Variants in DDHD1 observed in about 807,000 individuals in gnomAD.
The protein encoded by DDHD1 is DDHD domain containing 1, also known as phospholipase DDHD1.
Under a neutral mutation model 96.4 loss-of-function variants are expected in DDHD1, and 49 were observed. That is an observed-to-expected ratio of 0.51 (90% CI 0.40 to 0.64). The LOEUF is 0.64. Ranked by LOEUF, DDHD1 falls within the 30% of genes least tolerant of loss-of-function variation. The pLI, the probability that DDHD1 is intolerant of heterozygous loss-of-function variation, is 0.00. For synonymous variants in DDHD1, 442 were observed against 446.5 expected (o/e 0.99, Z 0.13); for missense variants, 1,106 against 1,161.2 (o/e 0.95, Z 0.69).
intron 1 of DDHD1, among the ~76,000 whole-genome samples, chr14:53,129,058 C>T (rs1249961999): frequency 6.6e-6 from 1 of 152,230 alleles, no homozygotes; most frequent in African/African-American, 2.4e-5. Flanking sequence ...GATAATCCCA[C>T]CACAATTTGC....
At chr14:53,134,837 T>G (rs1260196522) in intron 1 of DDHD1, among the ~76,000 whole-genome samples, 4 of 151,898 alleles carry the variant, frequency 2.6e-5, no homozygotes, top group Non-Finnish European at 5.9e-5. Flanking sequence ...CCTTGTATCT[T>G]CCATTTAGTT....
intron 4 of DDHD1, among the ~76,000 whole-genome samples, chr14:53,079,005 C>A (rs1409443507): frequency 1.3e-5 from 2 of 150,996 alleles, no homozygotes; most frequent in South Asian, 4.2e-4. Flanking sequence ...TGGTGGATTA[C>A]CTTGATTAAA....
chr14:53,066,738 G>A (rs1336692455), intron 6 of DDHD1, among the ~76,000 whole-genome samples: 2 of 152,074 alleles, frequency 1.3e-5, no homozygotes, highest in Non-Finnish European at 2.9e-5. Context: ...AGGCCGAGGT[G>A]GGAGGATCAC....
intron 2 of DDHD1, among the ~76,000 whole-genome samples, chr14:53,098,285 A>G (rs939742619): frequency 1.3e-5 from 2 of 152,258 alleles, no homozygotes; most frequent in East Asian, 3.9e-4. Flanking sequence ...AAAGTCTTAC[A>G]TAGCAATGAA....
intron 5 of DDHD1, among the ~76,000 whole-genome samples, chr14:53,073,421 T>C (rs1233897746): frequency 1.3e-5 from 2 of 151,934 alleles, no homozygotes; most frequent in African/African-American, 4.8e-5. Context: ...TACTGACAAA[T>C]CAACTTCGTG....
intron 1 of DDHD1, among the ~76,000 whole-genome samples, chr14:53,150,746 G>A (rs895033061): frequency 6.6e-6 from 1 of 152,174 alleles, no homozygotes; most frequent in African/African-American, 2.4e-5. Flanking sequence ...CACCGAGTGG[G>A]AAGCTCTGAA....
Position 53,153,087 on chromosome 14 carries a change from C to A in DDHD1, c.12G>T (p.Pro4=). The A allele has an allele frequency of 7.0e-7, 1 of 1,435,662 alleles. No homozygotes were observed. Among genetic ancestry groups the A allele is most frequent in the Non-Finnish European group, 9.0e-7 (1 of 1,107,720 alleles). The allele number at this position is 1,435,662 out of a possible 1,614,324, so 88.9% of individuals were successfully genotyped here. Residue 4 remains proline (P), a synonymous_variant, in exon 1 of 13, where the codon CCG becomes CCT. Coordinates refer to ENST00000673822, the MANE Select transcript of DDHD1 (RefSeq NM_001160148.2). MNY[P]GRGSPRSPEH... Reference sequence around the variant, plus strand: ...CGGGGCTCCGTGGGGACCCGCGGCCCGGGTAATTCATGCTGTGGAGACGCC... The same window carrying A: ...CGGGGCTCCGTGGGGACCCGCGGCCAGGGTAATTCATGCTGTGGAGACGCC...
intron 6 of DDHD1, among the ~76,000 whole-genome samples, chr14:53,071,477 C>G (rs1884504551): frequency 6.6e-6 from 1 of 152,068 alleles, no homozygotes. Context: ...CAGACTCCCC[C>G]TTGTACAAGA....
chr14:53,084,508 G>A (rs1379163340), intron 4 of DDHD1, among the ~76,000 whole-genome samples: 1 of 152,172 alleles, frequency 6.6e-6, no homozygotes, highest in Non-Finnish European at 1.5e-5. Flanking sequence ...AACATCACGG[G>A]AAGTAATACA....
intron 1 of DDHD1, among the ~76,000 whole-genome samples, chr14:53,143,366 G>A (rs535856066): frequency 3.3e-5 from 5 of 152,276 alleles, no homozygotes; most frequent in East Asian, 3.9e-4. Flanking sequence ...CTTGTTCCTC[G>A]GTGCAGTAAA....
chr14:53,095,803 A>C (rs1886839164), intron 2 of DDHD1, among the ~76,000 whole-genome samples: 2 of 152,188 alleles, frequency 1.3e-5, no homozygotes, highest in African/African-American at 2.4e-5. Flanking sequence ...AGTTGTGAGC[A>C]ACAGATGCTT....
At position 53,043,391 on chromosome 14, in the gene DDHD1, C is replaced by CTGTGTG. The variant is rs1297305840; in HGVS notation, c.*3376_*3377insCACACA. ...ACAAAAGAGCAGTTATTAGAACATC[C>CTGTGTG]AGTGTGTGTGTGTGTGTGTGTGTGT... On this transcript the variant is annotated 3_prime_UTR_variant, in exon 13 of 13. Coordinates refer to ENST00000673822, the MANE Select transcript of DDHD1 (RefSeq NM_001160148.2). The CTGTGTG allele has an allele frequency of 1.9e-4, 14 of 73,608 alleles. No individual in the cohort carries two copies. Among genetic ancestry groups the CTGTGTG allele is most frequent in the South Asian group, 5.4e-4 (1 of 1,866 alleles). 4.6% of individuals were successfully genotyped at this position (73,608 alleles called of 1,614,324 possible). A position where few individuals can be genotyped will look rare whatever the true frequency, so the allele number is the denominator to read the frequency against.
chr14:53,076,452 G>A (rs1373528240), intron 4 of DDHD1, among the ~76,000 whole-genome samples: 1 of 152,174 alleles, frequency 6.6e-6, no homozygotes, highest in African/African-American at 2.4e-5. Flanking sequence ...TGCTTCTTAT[G>A]GATGAACAAA....
chr14:53,110,716 C>G (rs368318948), intron 1 of DDHD1, among the ~76,000 whole-genome samples: 3 of 152,156 alleles, frequency 2.0e-5, no homozygotes, highest in East Asian at 3.8e-4. Flanking sequence ...TGGCTCAAAC[C>G]TGTAATCCCA....
intron 1 of DDHD1, among the ~76,000 whole-genome samples, chr14:53,140,405 C>A (rs774342377): frequency 5.3e-5 from 8 of 152,052 alleles, no homozygotes; most frequent in Non-Finnish European, 1.2e-4. Context: ...GTGGTGTACG[C>A]CTGTAATCCC....
intron 6 of DDHD1, among the ~76,000 whole-genome samples, chr14:53,063,553 T>A (rs1308137089): frequency 6.6e-6 from 1 of 152,112 alleles, no homozygotes; most frequent in African/African-American, 2.4e-5. Context: ...AAATTTCTTT[T>A]TTGTTGTAAC....
chr14:53,148,803 T>A (rs1378311816), intron 1 of DDHD1, among the ~76,000 whole-genome samples: 1 of 152,214 alleles, frequency 6.6e-6, no homozygotes, highest in Non-Finnish European at 1.5e-5. Context: ...TGGTTAACCT[T>A]ACTAACCTGT....
At chr14:53,140,377 T>C (rs138779932) in intron 1 of DDHD1, among the ~76,000 whole-genome samples, 4 of 152,108 alleles carry the variant, frequency 2.6e-5, no homozygotes, top group African/African-American at 9.6e-5. Flanking sequence ...CTACTAAAAA[T>C]ACAAAAATTA....
intron 1 of DDHD1, among the ~76,000 whole-genome samples, chr14:53,148,460 T>C (rs965610405): frequency 1.3e-5 from 2 of 151,992 alleles, no homozygotes; most frequent in Non-Finnish European, 1.5e-5. Flanking sequence ...TTACAGACAC[T>C]CGCCACCACG....
Sources: allele counts gnomAD v4.1 joint callset (sites outside exome capture counted in the v4.1 genomes callset), GRCh38; gene constraint gnomAD v4.1.1; transcripts MANE v1.5; gene names NCBI Gene and HGNC (gene_info 2026-07-23, HGNC 2026-07-21).